Variants in SLC25A26 observed in about 807,000 individuals in gnomAD.
SLC25A26 encodes mitochondrial S-adenosylmethionine carrier protein.
In SLC25A26, 36 loss-of-function variants were observed where a neutral mutation model predicts 37.8. The observed-to-expected ratio is 0.95, with a 90% confidence interval of 0.73 to 1.26. The LOEUF is 1.26. Ranked by LOEUF, SLC25A26 falls within the 50% of genes most tolerant of loss-of-function variation. SLC25A26 has a pLI of 0.00. For missense variants in SLC25A26, 390 were observed against 331.1 expected (o/e 1.18, Z -1.38); for synonymous variants, 129 against 122.5 (o/e 1.05, Z -0.35).
chr3:66,137,373 C>A (rs981192620), intron 1 of SLC25A26, among the ~76,000 whole-genome samples: 3 of 151,834 alleles, frequency 2.0e-5, no homozygotes, highest in African/African-American at 7.3e-5. Context: ...ATTACAGGGG[C>A]CTGCCACCAG....
intron 5 of SLC25A26, among the ~76,000 whole-genome samples, chr3:66,328,932 A>G (rs577537631): frequency 6.6e-6 from 1 of 152,178 alleles, no homozygotes; most frequent in African/African-American, 2.4e-5. Context: ...CTCCTGGCCA[A>G]CCTTTTTAAA....
chr3:66,236,666 C>T lies in SLC25A26; in HGVS notation c.156C>T (p.Gly52=), dbSNP rs1312131978. The part of the protein sequence containing the change: ...KAGGFHGIYA[G]VPSAAIGSFP... Reference sequence around the variant, plus strand: ...GTGGTTTTCATGGAATATATGCTGGCGTTCCTTCTGCTGCTATTGGATCCT... The same window carrying T: ...GTGGTTTTCATGGAATATATGCTGGTGTTCCTTCTGCTGCTATTGGATCCT... The change falls in exon 2 of 10, where the codon GGC becomes GGT. Residue 52 remains glycine, a synonymous_variant. Transcript: ENST00000354883. 7 of 1,524,520 alleles carry T rather than the reference C, an allele frequency of 4.6e-6. No individual in the cohort carries two copies. Among genetic ancestry groups the T allele is most frequent in the African/African-American group, 2.7e-5 (2 of 72,754 alleles). 94.4% of individuals were successfully genotyped at this position (1,524,520 alleles called of 1,614,324 possible).
At position 66,273,877 on chromosome 3, in the gene SLC25A26, T is replaced by C. The variant is rs987653710; in HGVS notation, c.453+10498T>C. Reference sequence around the variant, plus strand: ...CCCCATCAAGCTACCAATGACTTTCTTCACAGAATTGGAAAAAACTACTTT... The same window carrying C: ...CCCCATCAAGCTACCAATGACTTTCCTCACAGAATTGGAAAAAACTACTTT... On this transcript the variant is annotated intron_variant, in intron 5 of 9. Coordinates refer to ENST00000354883, the MANE Select transcript of SLC25A26 (RefSeq NM_001379210.1). 3.0e-4 allele frequency among the ~76,000 whole-genome samples: 45 copies of C among 152,166 alleles called. 1 individual carries two copies. Among genetic ancestry groups the C allele is most frequent in the Non-Finnish European group, 5.9e-4 (40 of 68,028 alleles).
intron 5 of SLC25A26, among the ~76,000 whole-genome samples, chr3:66,283,679 G>A (rs2074418104): frequency 6.6e-6 from 1 of 152,118 alleles, no homozygotes; most frequent in Admixed American, 6.5e-5. Context: ...ATTTTAGTAG[G>A]TGTGTAATAA....
At chr3:66,347,657 A>G (rs2076356542) in intron 6 of SLC25A26, among the ~76,000 whole-genome samples, 1 of 152,270 alleles carries the variant, frequency 6.6e-6, no homozygotes, top group Non-Finnish European at 1.5e-5. Flanking sequence ...TCATTCTGTT[A>G]TAAAGATACA....
At chr3:66,145,262 T>C (rs979061203) in intron 1 of SLC25A26, among the ~76,000 whole-genome samples, 13 of 152,220 alleles carry the variant, frequency 8.5e-5, no homozygotes, top group African/African-American at 3.1e-4. Context: ...GAACGGCTCA[T>C]AAGGTTTGCA....
At chr3:66,377,027 T>A (rs1164235881) in intron 9 of SLC25A26, among the ~76,000 whole-genome samples, 2 of 152,158 alleles carry the variant, frequency 1.3e-5, no homozygotes, top group African/African-American at 4.8e-5. Flanking sequence ...ACAATGAAAA[T>A]TTTTGAACAA....
At chr3:66,214,258 C>A (rs1252043108) in intron 1 of SLC25A26, among the ~76,000 whole-genome samples, 1 of 152,116 alleles carries the variant, frequency 6.6e-6, no homozygotes, top group Non-Finnish European at 1.5e-5. Flanking sequence ...GACATGCCTA[C>A]CCCCACCCCA....
chr3:66,214,852 G>A (rs1005729271), intron 1 of SLC25A26, among the ~76,000 whole-genome samples: 1 of 152,106 alleles, frequency 6.6e-6, no homozygotes, highest in Non-Finnish European at 1.5e-5. Context: ...CCTTGGTCAG[G>A]CACGGTGGCT....
At chr3:66,301,523 A>G (rs2075075913) in intron 5 of SLC25A26, among the ~76,000 whole-genome samples, 1 of 152,238 alleles carries the variant, frequency 6.6e-6, no homozygotes, top group South Asian at 2.1e-4. Context: ...GCAGAAGCCA[A>G]GAATGTCATT....
intron 1 of SLC25A26, among the ~76,000 whole-genome samples, chr3:66,214,836 T>C (rs2071336675): frequency 6.6e-6 from 1 of 152,110 alleles, no homozygotes; most frequent in Non-Finnish European, 1.5e-5. Flanking sequence ...AATAGAAAAA[T>C]GTTTACCTTG....
intron 5 of SLC25A26, among the ~76,000 whole-genome samples, chr3:66,296,767 C>G (rs543854820): frequency 1.0e-3 from 155 of 152,182 alleles, no homozygotes; most frequent in Non-Finnish European, 1.7e-3. Flanking sequence ...TCTTTTGGCT[C>G]TTAACCATAA....
intron 5 of SLC25A26, among the ~76,000 whole-genome samples, chr3:66,297,551 A>G (rs939593318): frequency 2.0e-5 from 3 of 152,138 alleles, no homozygotes; most frequent in Non-Finnish European, 4.4e-5. Context: ...GCCACTCGCT[A>G]TCTTGTGCCT....
intron 1 of SLC25A26, among the ~76,000 whole-genome samples, chr3:66,210,629 C>T (rs1490822267): frequency 1.3e-5 from 2 of 152,090 alleles, no homozygotes; most frequent in East Asian, 3.9e-4. Flanking sequence ...CCTCCTACCT[C>T]TGTCTCTCGA....
chr3:66,370,764 C>T (rs1559748647), intron 9 of SLC25A26, 162 bp downstream of exon 9: 1 of 180,686 alleles, frequency 5.5e-6, no homozygotes, highest in African/African-American at 2.4e-5. Context: ...TATGAGATAA[C>T]ATAGCAAATC....
chr3:66,346,472 T>A, intron 6 of SLC25A26, 64 bp downstream of exon 6: 1 of 829,674 alleles, frequency 1.2e-6, no homozygotes, highest in Non-Finnish European at 1.8e-6. Flanking sequence ...AGTTTGAGTG[T>A]GGAAGAGTAG....
chr3:66,211,363 T>C (rs1161018775), intron 1 of SLC25A26, among the ~76,000 whole-genome samples: 1 of 151,966 alleles, frequency 6.6e-6, no homozygotes, highest in African/African-American at 2.4e-5. Context: ...TTGGAAGGTT[T>C]GCAATGAGAA....
intron 5 of SLC25A26, among the ~76,000 whole-genome samples, chr3:66,342,935 C>G (rs2076242609): frequency 6.6e-6 from 1 of 152,166 alleles, no homozygotes; most frequent in Admixed American, 6.5e-5. Context: ...CAGGTCACAA[C>G]AGTGAGCCAT....
chr3:66,236,258 A>G (rs1027793830), intron 1 of SLC25A26, among the ~76,000 whole-genome samples: 2 of 123,456 alleles, frequency 1.6e-5, no homozygotes, highest in African/African-American at 6.2e-5. Context: ...TGTGAGTACT[A>G]TATTAACAAT....
Sources: gnomAD v4.1 joint callset for allele counts (sites outside exome capture counted in the v4.1 genomes callset) on GRCh38, gnomAD v4.1.1 for gene constraint, MANE v1.5 for transcripts, NCBI Gene and HGNC (gene_info 2026-07-23, HGNC 2026-07-21) for gene names.